RGS9: variants seen among roughly 807,000 people sequenced by gnomAD.
RGS9 encodes regulator of G protein signaling 9.
RGS9 carries 78 observed loss-of-function variants against 102.0 expected under a neutral mutation model. The ratio of observed to expected loss-of-function variants is 0.76; its 90% CI spans 0.64 to 0.92. The LOEUF (loss-of-function observed/expected upper bound fraction) is 0.92. Ranked by LOEUF, RGS9 falls within the 40% of genes least tolerant of loss-of-function variation. RGS9 has a pLI of 0.00. For missense variants in RGS9, 833 were observed against 866.1 expected (o/e 0.96, Z 0.48); for synonymous variants, 353 against 318.6 (o/e 1.11, Z -1.15).
intron 17 of RGS9, among the ~76,000 whole-genome samples, chr17:65,223,762 T>C (rs2144132074): frequency 6.6e-6 from 1 of 151,728 alleles, no homozygotes; most frequent in East Asian, 1.9e-4. Flanking sequence ...CTTTTTTTTT[T>C]TTTTTTAAGA....
At chr17:65,184,443 C>A (rs1912024968) in intron 9 of RGS9, among the ~76,000 whole-genome samples, 1 of 152,140 alleles carries the variant, frequency 6.6e-6, no homozygotes, top group South Asian at 2.1e-4. Context: ...GGTGTAGTAG[C>A]CCTAATGAAT....
At chr17:65,218,289 A>G (rs1405619655) in intron 17 of RGS9, among the ~76,000 whole-genome samples, 2 of 152,252 alleles carry the variant, frequency 1.3e-5, no homozygotes, top group African/African-American at 2.4e-5. Context: ...GTTGTCTTCC[A>G]GCAGTCATTG....
chr17:65,190,311 C>T, intron 11 of RGS9, 75 bp downstream of exon 11: 1 of 1,164,664 alleles, frequency 8.6e-7, no homozygotes, highest in East Asian at 2.3e-5. Flanking sequence ...GCAAACTCGA[C>T]AAGTCCTGGG....
intron 8 of RGS9, among the ~76,000 whole-genome samples, chr17:65,172,812 C>T (rs1037038160): frequency 2.6e-5 from 4 of 152,106 alleles, no homozygotes; most frequent in Admixed American, 6.5e-5. Flanking sequence ...GGACACAGGA[C>T]GTGGAGAGTG....
chr17:65,197,332 C>G (rs1231194742), intron 13 of RGS9, 91 bp downstream of exon 13: 2 of 836,582 alleles, frequency 2.4e-6, no homozygotes, highest in Admixed American at 2.0e-5. Context: ...AATTTCTCAG[C>G]AGATGTTTTC....
intron 1 of RGS9, among the ~76,000 whole-genome samples, chr17:65,139,118 CCTT>C (rs1910048167): frequency 1.2e-4 from 1 of 8,568 alleles, no homozygotes; most frequent in Non-Finnish European, 1.4e-3. Context: ...CTCCACCCCA[CCTT>C]TCCCTCCTCC....
At position 65,225,427 on chromosome 17, in the gene RGS9, G is replaced by C; in HGVS notation, c.1833G>C (p.Val611=). ...GCCCTGCTGTGTCCCACGGGAGGGT[G>C]CAGCCCCTGGGGGACGTGGGCCAGC... ...PKCPAVSHGR[V]QPLGDVGQQL... The change falls in exon 18 of 19, where the codon GTG becomes GTC. Residue 611 remains valine (V), a synonymous_variant. Coordinates refer to ENST00000262406, the MANE Select transcript of RGS9 (RefSeq NM_003835.4). 6.2e-7 allele frequency: 1 copy of C among 1,609,482 alleles called. No individual in the cohort carries two copies. Among genetic ancestry groups the C allele is most frequent in the Non-Finnish European group, 8.5e-7 (1 of 1,180,022 alleles).
At chr17:65,160,464 T>A in intron 4 of RGS9, 72 bp from the exon 5 acceptor site, 1 of 1,598,922 alleles carries the variant, frequency 6.3e-7, no homozygotes, top group Non-Finnish European at 8.6e-7. Flanking sequence ...TTGGATTTCT[T>A]TAGTCACAGG....
At chr17:65,155,722 A>G (rs986552615) in intron 2 of RGS9, among the ~76,000 whole-genome samples, 1 of 152,090 alleles carries the variant, frequency 6.6e-6, no homozygotes, top group African/African-American at 2.4e-5. Context: ...CTCATTTTTA[A>G]TGCAAGAATG....
intron 13 of RGS9, among the ~76,000 whole-genome samples, chr17:65,197,660 CTTTG>C (rs1207337024): frequency 2.6e-5 from 4 of 151,666 alleles, no homozygotes; most frequent in East Asian, 1.9e-4. Flanking sequence ...TTTCTTTTTT[CTTTG>C]TTTCTTTCTT....
At chr17:65,188,849 A>G (rs547943719) in intron 9 of RGS9, 55 of 201,628 alleles carry the variant, frequency 2.7e-4, no homozygotes, top group Middle Eastern at 2.3e-3. Context: ...TCCTGGGCTC[A>G]AGCGATCCTC....
chr17:65,197,695 A>G (rs927638675), intron 13 of RGS9, among the ~76,000 whole-genome samples: 2 of 149,826 alleles, frequency 1.3e-5, no homozygotes, highest in African/African-American at 4.9e-5. Context: ...CTGGAGACAG[A>G]GTCTTGCTGT....
intron 15 of RGS9, among the ~76,000 whole-genome samples, chr17:65,206,009 A>T (rs1316990408): frequency 3.3e-5 from 5 of 152,070 alleles, no homozygotes; most frequent in African/African-American, 4.8e-5. Flanking sequence ...AGGTTATATG[A>T]TGTGGTTTAT....
intron 17 of RGS9, among the ~76,000 whole-genome samples, chr17:65,222,318 C>T (rs8065444): frequency 6.6e-6 from 1 of 152,162 alleles, no homozygotes; most frequent in African/African-American, 2.4e-5. Flanking sequence ...GCTCCTGTGA[C>T]CAGCTGGAGC....
chr17:65,225,911 G>A (rs967102467), intron 18 of RGS9, among the ~76,000 whole-genome samples: 9 of 152,266 alleles, frequency 5.9e-5, no homozygotes, highest in Admixed American at 2.0e-4. Context: ...CTCACCATAA[G>A]TGCCCTTGCC....
intron 3 of RGS9, among the ~76,000 whole-genome samples, chr17:65,159,699 G>T (rs533243539): frequency 1.3e-5 from 2 of 152,176 alleles, no homozygotes; most frequent in African/African-American, 4.8e-5. Context: ...CTGTGCTTCC[G>T]AATAAACTGG....
At chr17:65,172,198 T>G (rs148710836) in intron 8 of RGS9, among the ~76,000 whole-genome samples, 2,764 of 152,248 alleles carry the variant, frequency 0.018, 99 homozygotes, top group African/African-American at 0.063. Flanking sequence ...ACATACAATG[T>G]GTTTTTTGTT....
intron 12 of RGS9, among the ~76,000 whole-genome samples, chr17:65,194,466 G>T (rs1912504899): frequency 6.6e-6 from 1 of 152,172 alleles, no homozygotes. Context: ...CAACAGATTG[G>T]TTTTGAAAAT....
chr17:65,186,066 A>G (rs112562043), intron 9 of RGS9, among the ~76,000 whole-genome samples: 1,355 of 130,888 alleles, frequency 0.01, 19 homozygotes, highest in African/African-American at 0.054. Context: ...GTGTGAGCCC[A>G]GCACGATTCT....
Sources: allele counts gnomAD v4.1 joint callset (sites outside exome capture counted in the v4.1 genomes callset), GRCh38; gene constraint gnomAD v4.1.1; transcripts MANE v1.5; gene names NCBI Gene and HGNC (gene_info 2026-07-23, HGNC 2026-07-21).